Variants in NKAIN2 observed in about 807,000 individuals in gnomAD.
NKAIN2 encodes the protein sodium/potassium transporting ATPase interacting 2.
A neutral mutation model predicts 32.6 loss-of-function variants in NKAIN2; 14 were observed. The ratio of observed to expected loss-of-function variants is 0.43; its 90% CI spans 0.28 to 0.67. The LOEUF (loss-of-function observed/expected upper bound fraction) is 0.67, where lower values mean the gene tolerates loss of function less well. NKAIN2 is among the 30% of genes least tolerant of loss of function. The pLI, the probability that NKAIN2 is intolerant of heterozygous loss-of-function variation, is 0.17. For synonymous variants in NKAIN2, 80 were observed against 87.2 expected (o/e 0.92, Z 0.46); for missense variants, 198 against 258.3 (o/e 0.77, Z 1.60).
At chr6:124,248,141 A>G (rs1793509987) in intron 1 of NKAIN2, among the ~76,000 whole-genome samples, 1 of 152,140 alleles carries the variant, frequency 6.6e-6, no homozygotes, top group Non-Finnish European at 1.5e-5. Flanking sequence ...CAGTATGTCA[A>G]TAAAATTTTA....
At position 124,590,290 on chromosome 6, in the gene NKAIN2, C is replaced by T. The variant is rs114643761; in HGVS notation, c.274-67896C>T. ...GTGTCAGGTCTGTGTTGTAATGAACCGGAATTGCCAGGAACTTGTACTTTG... is the reference window on the plus strand; with the variant it reads ...GTGTCAGGTCTGTGTTGTAATGAACTGGAATTGCCAGGAACTTGTACTTTG... On this transcript the variant is annotated intron_variant, in intron 3 of 6. Transcript: ENST00000368417. Among the ~76,000 whole-genome samples the T allele has an allele frequency of 9.1e-3, 1,390 of 152,166 alleles. 21 individuals are homozygous for T. Among genetic ancestry groups the T allele is most frequent in the African/African-American group, 0.032 (1,337 of 41,528 alleles).
At chr6:124,389,276 T>C (rs1773041641) in intron 3 of NKAIN2, among the ~76,000 whole-genome samples, 2 of 152,234 alleles carry the variant, frequency 1.3e-5, no homozygotes, top group South Asian at 4.1e-4. Context: ...CTACTTTTTC[T>C]AACTGCCCTG....
At chr6:124,751,716 C>T (rs1777728800) in intron 4 of NKAIN2, among the ~76,000 whole-genome samples, 1 of 151,726 alleles carries the variant, frequency 6.6e-6, no homozygotes, top group South Asian at 2.1e-4. Context: ...CCATGGCTCA[C>T]CCCTATAATC....
Position 124,134,096 on chromosome 6 carries a change from A to C in NKAIN2, c.55-148909A>C, listed in dbSNP as rs894225939. 1.5e-4 allele frequency among the ~76,000 whole-genome samples: 22 copies of C among 149,034 alleles called. No homozygotes were observed. The Admixed American group carries it at 1.5e-3, about 10-fold the overall frequency. On this transcript the variant is annotated intron_variant, in intron 1 of 6. Coordinates refer to ENST00000368417, the MANE Select transcript of NKAIN2 (RefSeq NM_001040214.3). ...CTATTAAGCTACTTGAGATACCAAG[A>C]AAAAGGTGAAAACCAACTAAAAGAA...
chr6:124,493,276 A>G (rs1369671955), intron 3 of NKAIN2, among the ~76,000 whole-genome samples: 2 of 152,040 alleles, frequency 1.3e-5, no homozygotes, highest in African/African-American at 4.8e-5. Context: ...CCTTCAGATG[A>G]GTTCAATGTC....
At chr6:124,656,450 C>A (rs762355853) in intron 3 of NKAIN2, among the ~76,000 whole-genome samples, 19 of 151,974 alleles carry the variant, frequency 1.3e-4, no homozygotes, top group Non-Finnish European at 2.1e-4. Flanking sequence ...GATCTCAGAC[C>A]CCACCATGCT....
chr6:124,344,713 G>C (rs374803404), intron 2 of NKAIN2, among the ~76,000 whole-genome samples: 34 of 152,164 alleles, frequency 2.2e-4, no homozygotes, highest in Middle Eastern at 6.8e-3. Flanking sequence ...AGTTGCTTAT[G>C]AGCTTAAGGA....
At chr6:124,043,423 C>A (rs915217803) in intron 1 of NKAIN2, among the ~76,000 whole-genome samples, 2 of 151,938 alleles carry the variant, frequency 1.3e-5, no homozygotes, top group African/African-American at 4.8e-5. Context: ...CTCAGATTGT[C>A]CACCATCTAA....
chr6:124,654,889 C>T (rs1267983343), intron 3 of NKAIN2, among the ~76,000 whole-genome samples: 2 of 152,150 alleles, frequency 1.3e-5, no homozygotes, highest in Admixed American at 6.6e-5. Context: ...ACACCAGGAT[C>T]TTAGAATTTT....
intron 1 of NKAIN2, among the ~76,000 whole-genome samples, chr6:123,970,802 A>G (rs1461642369): frequency 6.6e-6 from 1 of 152,054 alleles, no homozygotes; most frequent in Non-Finnish European, 1.5e-5. Context: ...GAATTGCTTG[A>G]ACCCAGGAGG....
In NKAIN2 at chr6:123,998,787, T is replaced by C. The variant is rs536210843; in HGVS notation, c.54+194533T>C. On this transcript the variant is annotated intron_variant, in intron 1 of 6. Transcript: ENST00000368417. ...TGTGTGTGTGTGTGTGGAAAATATA[T>C]ATATATAGGGTGATGGTATATACAT... Among the ~76,000 whole-genome samples, 237 of 148,028 alleles carry C rather than the reference T, an allele frequency of 1.6e-3. 2 individuals carry two copies. The South Asian group carries it at 0.018, about 11-fold the overall frequency.
At chr6:124,095,464 A>G (rs961157457) in intron 1 of NKAIN2, among the ~76,000 whole-genome samples, 5 of 152,192 alleles carry the variant, frequency 3.3e-5, no homozygotes, top group African/African-American at 1.2e-4. Context: ...TAGTACAATT[A>G]TTATAAAAAC....
rs189078168 is a variant in NKAIN2 at position 124,404,215 on chromosome 6, C to T, written c.273+48868C>T. Among the ~76,000 whole-genome samples the T allele has an allele frequency of 1.7e-4, 26 of 152,106 alleles. No homozygotes were observed. In the East Asian group the frequency reaches 4.1e-3, roughly 24 times the overall value. On this transcript the variant is annotated intron_variant, in intron 3 of 6. Transcript: ENST00000368417. ...TGAATCACCTTTATTCATTTCCAGGCGTGGAGATGATTGGAAGATAGGAGG... is the reference window on the plus strand; with the variant it reads ...TGAATCACCTTTATTCATTTCCAGGTGTGGAGATGATTGGAAGATAGGAGG...
At chr6:124,025,423 G>T (rs1052522647) in intron 1 of NKAIN2, among the ~76,000 whole-genome samples, 3 of 151,636 alleles carry the variant, frequency 2.0e-5, no homozygotes, top group Middle Eastern at 6.8e-3. Context: ...CAATTTCCTG[G>T]CAGCAAAGCC....
intron 1 of NKAIN2, among the ~76,000 whole-genome samples, chr6:124,066,891 T>TGTTA (rs938487799): frequency 1.4e-5 from 2 of 141,322 alleles, no homozygotes; most frequent in Non-Finnish European, 3.1e-5. Flanking sequence ...TGTGTGTGTG[T>TGTTA]GTGTGTGTTA....
intron 2 of NKAIN2, among the ~76,000 whole-genome samples, chr6:124,336,601 AT>A (rs1340679756): frequency 2.0e-5 from 3 of 151,894 alleles, no homozygotes; most frequent in Admixed American, 2.0e-4. Flanking sequence ...TAAACATAGT[AT>A]TTAAACCACG....
chr6:123,943,860 A>G (rs972735731), intron 1 of NKAIN2, among the ~76,000 whole-genome samples: 2 of 152,052 alleles, frequency 1.3e-5, no homozygotes, highest in African/African-American at 4.8e-5. Flanking sequence ...TAATTTGCCA[A>G]ATGGTTAGTG....
At chr6:123,826,828 T>C (rs1017269825) in intron 1 of NKAIN2, among the ~76,000 whole-genome samples, 8 of 152,144 alleles carry the variant, frequency 5.3e-5, no homozygotes, top group African/African-American at 1.9e-4. Flanking sequence ...TCTGTTCAAG[T>C]TCCTGCTTTT....
chr6:124,058,419 A>C (rs1317180414), intron 1 of NKAIN2, among the ~76,000 whole-genome samples: 1 of 152,050 alleles, frequency 6.6e-6, no homozygotes, highest in Non-Finnish European at 1.5e-5. Context: ...GAGTCTAGCA[A>C]ATTTAGCCAT....
Sources: allele counts gnomAD v4.1 joint callset (sites outside exome capture counted in the v4.1 genomes callset), GRCh38; gene constraint gnomAD v4.1.1; transcripts MANE v1.5; gene names NCBI Gene and HGNC (gene_info 2026-07-23, HGNC 2026-07-21).